Variants in PARD3B observed in about 807,000 individuals in gnomAD.
The protein encoded by PARD3B is partitioning defective 3 homolog B.
Under a neutral mutation model 130.2 loss-of-function variants are expected in PARD3B, and 103 were observed. That is an observed-to-expected ratio of 0.79 (90% CI 0.67 to 0.93). The LOEUF (loss-of-function observed/expected upper bound fraction) is 0.93, where lower values mean the gene tolerates loss of function less well. PARD3B is among the 40% of genes least tolerant of loss of function. The pLI is 0.00. For synonymous variants in PARD3B, 583 were observed against 553.2 expected (o/e 1.05, Z -0.76); for missense variants, 1,609 against 1,499.2 (o/e 1.07, Z -1.21).
intron 1 of PARD3B, among the ~76,000 whole-genome samples, chr2:204,600,858 AT>A (rs2033481119): frequency 6.6e-6 from 1 of 151,870 alleles, no homozygotes; most frequent in Admixed American, 6.6e-5. Context: ...ATAATATTAA[AT>A]GATTGTCATG....
intron 18 of PARD3B, among the ~76,000 whole-genome samples, chr2:205,363,079 T>G (rs1352891338): frequency 1.3e-5 from 2 of 152,142 alleles, no homozygotes. Flanking sequence ...CCTCTCCCCT[T>G]GCAGCAGGGC....
At chr2:205,345,625 A>T (rs534614911) in intron 18 of PARD3B, among the ~76,000 whole-genome samples, 23 of 151,354 alleles carry the variant, frequency 1.5e-4, no homozygotes, top group African/African-American at 5.6e-4. Flanking sequence ...CCCTTTCCCT[A>T]TCTCCTCATG....
intron 21 of PARD3B, among the ~76,000 whole-genome samples, chr2:205,505,598 A>C (rs1291802189): frequency 6.6e-6 from 1 of 152,212 alleles, no homozygotes; most frequent in Non-Finnish European, 1.5e-5. Context: ...TTAAGTAAGC[A>C]AGATATACTA....
chr2:205,386,439 CAGATGGCTTATAATA>C (rs2045663215), intron 18 of PARD3B, among the ~76,000 whole-genome samples: 1 of 152,132 alleles, frequency 6.6e-6, no homozygotes. Context: ...CTGATCAAAT[CAGATGGCTTATAATA>C]AGACTCTGTC....
chr2:205,235,940 T>C (rs192625013), intron 15 of PARD3B, among the ~76,000 whole-genome samples: 7 of 152,304 alleles, frequency 4.6e-5, no homozygotes, highest in Admixed American at 4.6e-4. Context: ...AGTTTTCTTA[T>C]AAAGTCAATA....
intron 18 of PARD3B, among the ~76,000 whole-genome samples, chr2:205,306,999 C>T (rs1403417578): frequency 6.6e-6 from 1 of 152,100 alleles, no homozygotes; most frequent in Non-Finnish European, 1.5e-5. Context: ...CAGATGCTCT[C>T]CTGAAGATAG....
intron 15 of PARD3B, among the ~76,000 whole-genome samples, chr2:205,231,003 A>C (rs929504961): frequency 2.6e-5 from 4 of 152,062 alleles, no homozygotes; most frequent in African/African-American, 9.7e-5. Context: ...TGTCTTCTTC[A>C]GGGGAGTGGA....
At chr2:204,836,588 A>AG (rs1489428054) in intron 2 of PARD3B, among the ~76,000 whole-genome samples, 1 of 152,152 alleles carries the variant, frequency 6.6e-6, no homozygotes, top group Non-Finnish European at 1.5e-5. Flanking sequence ...GCTTGAACCC[A>AG]GGAGGCGGAA....
chr2:205,288,913 G>A lies in PARD3B; in HGVS notation c.2186-11617G>A, dbSNP rs1362799926. Among the ~76,000 whole-genome samples, 2 of 152,132 alleles carry A rather than the reference G, an allele frequency of 1.3e-5. No individual in the cohort carries two copies. The highest frequency in any genetic ancestry group is 2.9e-5 in the Non-Finnish European group (2 of 68,032). On this transcript the variant is annotated intron_variant, in intron 16 of 22. Transcript: ENST00000406610. The surrounding 1 kb of genome is among the most constrained non-coding windows in gnomAD (Gnocchi z 4.0). ...ACTCCAGCCCTTAACTGTGCTCTAT[G>A]TCAGCATTCTTGGTACGTGGTTTGC...
intron 1 of PARD3B, among the ~76,000 whole-genome samples, chr2:204,670,332 C>T (rs890793512): frequency 2.6e-5 from 4 of 152,114 alleles, no homozygotes; most frequent in African/African-American, 9.7e-5. Flanking sequence ...TAGGATTTGG[C>T]CCATGGGTCA....
chr2:205,009,521 A>C (rs1695538296), intron 3 of PARD3B, among the ~76,000 whole-genome samples: 1 of 152,092 alleles, frequency 6.6e-6, no homozygotes, highest in South Asian at 2.1e-4. Context: ...AATACAAAAA[A>C]TTAGCCGGGC....
chr2:205,600,845 T>A (rs2054756549), intron 22 of PARD3B, among the ~76,000 whole-genome samples: 1 of 152,254 alleles, frequency 6.6e-6, no homozygotes, highest in Non-Finnish European at 1.5e-5. Flanking sequence ...CATTCCTTTT[T>A]ATGGCTGCAT....
At chr2:204,601,674 G>A (rs934292303) in intron 1 of PARD3B, among the ~76,000 whole-genome samples, 8 of 151,924 alleles carry the variant, frequency 5.3e-5, no homozygotes, top group South Asian at 2.1e-4. Context: ...GAATTTAGGC[G>A]TAGGAAACTT....
intron 2 of PARD3B, among the ~76,000 whole-genome samples, chr2:204,948,102 T>C (rs1002757886): frequency 6.6e-6 from 1 of 152,158 alleles, no homozygotes; most frequent in African/African-American, 2.4e-5. Context: ...TATGTGTTGG[T>C]ATGTGTTGAT....
intron 1 of PARD3B, among the ~76,000 whole-genome samples, chr2:204,635,853 CT>C (rs2034856573): frequency 6.6e-6 from 1 of 152,172 alleles, no homozygotes; most frequent in Admixed American, 6.5e-5. Flanking sequence ...ATTTCCCCAT[CT>C]TATTAAAAAA....
chr2:205,376,867 TG>T (rs1302147259), intron 18 of PARD3B, among the ~76,000 whole-genome samples: 1 of 152,090 alleles, frequency 6.6e-6, no homozygotes, highest in African/African-American at 2.4e-5. Flanking sequence ...AGAAAGTACA[TG>T]GGTAGATGGC....
At chr2:204,589,863 C>A (rs2033001522) in intron 1 of PARD3B, among the ~76,000 whole-genome samples, 1 of 152,102 alleles carries the variant, frequency 6.6e-6, no homozygotes, top group South Asian at 2.1e-4. Flanking sequence ...TTGGCACAGT[C>A]CCTTGTTTCA....
intron 2 of PARD3B, among the ~76,000 whole-genome samples, chr2:204,811,518 G>A (rs2042961415): frequency 6.6e-6 from 1 of 152,090 alleles, no homozygotes. Flanking sequence ...ATCCATTAGG[G>A]CTGTGGAATT....
intron 3 of PARD3B, among the ~76,000 whole-genome samples, chr2:204,977,903 G>C (rs1385982991): frequency 6.6e-6 from 1 of 151,976 alleles, no homozygotes; most frequent in African/African-American, 2.4e-5. Flanking sequence ...TATCTGATGA[G>C]GGCTCCAGAT....
Sources: gnomAD v4.1 joint callset for allele counts (sites outside exome capture counted in the v4.1 genomes callset) on GRCh38, gnomAD v4.1.1 for gene constraint, Gnocchi (gnomAD v3.1) non-coding constraint, MANE v1.5 for transcripts, NCBI Gene and HGNC (gene_info 2026-07-23, HGNC 2026-07-21) for gene names.